Variants in ENKUR observed in about 807,000 individuals in gnomAD.
ENKUR encodes the protein enkurin.
A neutral mutation model predicts 27.6 loss-of-function variants in ENKUR; 19 were observed. The observed-to-expected ratio is 0.69, with a 90% CI of 0.48 to 1.01. The LOEUF (loss-of-function observed/expected upper bound fraction) is 1.01, where lower values mean the gene tolerates loss of function less well. ENKUR is among the 50% of genes least tolerant of loss of function. The pLI, the probability that ENKUR is intolerant of heterozygous loss-of-function variation, is 0.00. For missense variants in ENKUR, 312 were observed against 310.5 expected (o/e 1.00, Z -0.04); for synonymous variants, 117 against 96.9 (o/e 1.21, Z -1.22).
At chr10:25,034,191 A>G (rs1850975034) in intron 2 of ENKUR, among the ~76,000 whole-genome samples, 1 of 152,164 alleles carries the variant, frequency 6.6e-6, no homozygotes, top group African/African-American at 2.4e-5. Context: ...CAGATTGTTT[A>G]TATCAGTAAA....
upstream of ENKUR, chr10:25,016,232 C>T: frequency 7.5e-6 from 8 of 1,072,958 alleles, no homozygotes; most frequent in Non-Finnish European, 9.1e-6. Flanking sequence ...CTCCCCTCTT[C>T]CCTCTTTCTG....
At chr10:25,062,013 G>A (rs1851334587) in intron 1 of ENKUR, among the ~76,000 whole-genome samples, 2 of 152,120 alleles carry the variant, frequency 1.3e-5, no homozygotes, top group East Asian at 1.9e-4. Context: ...ATAACGTAAC[G>A]ATAACGACTA....
chr10:25,044,943 G>A (rs1851106223), intron 2 of ENKUR, among the ~76,000 whole-genome samples: 1 of 152,040 alleles, frequency 6.6e-6, no homozygotes, highest in African/African-American at 2.4e-5. Flanking sequence ...TGACCACTTT[G>A]GCAGCTCCTG....
rs187270467 is a variant in ENKUR at position 24,998,665 on chromosome 10, A to G, written c.223+736T>C. ...TGGGCTATGAAGAAATTGCTTCCAT[A>G]CATACCTGTCACACATCACTTTTCA... On this transcript the variant is annotated intron_variant, in intron 2 of 5. Transcript: ENST00000331161. 3.2e-4 allele frequency among the ~76,000 whole-genome samples: 49 copies of G among 152,140 alleles called. No individual in the cohort carries two copies. The Middle Eastern group carries it at 0.01, about 32-fold the overall frequency.
upstream of ENKUR, among the ~76,000 whole-genome samples, chr10:25,018,315 C>A (rs1223527798): frequency 6.6e-6 from 1 of 152,092 alleles, no homozygotes; most frequent in Non-Finnish European, 1.5e-5. Context: ...AATGACACTT[C>A]AAAAAAATGC....
intron 3 of ENKUR, among the ~76,000 whole-genome samples, chr10:24,993,852 C>G (rs1487201951): frequency 6.6e-6 from 1 of 152,108 alleles, no homozygotes; most frequent in Non-Finnish European, 1.5e-5. Context: ...AAGGGAGGGG[C>G]AGAGTGTGTG....
At chr10:25,016,216 C>T (rs1850568714), upstream of ENKUR, 9 of 1,127,846 alleles carry the variant, frequency 8.0e-6, no homozygotes, top group Non-Finnish European at 9.8e-6. Flanking sequence ...GCACCGCAAA[C>T]TAGGTCTCCC....
upstream of ENKUR, among the ~76,000 whole-genome samples, chr10:25,020,331 A>C (rs1444167854): frequency 6.6e-6 from 1 of 151,778 alleles, no homozygotes; most frequent in African/African-American, 2.4e-5. Flanking sequence ...TTTAAAAACA[A>C]GAGGGTAGAG....
At chr10:25,015,233 T>A (rs892876050) in intron 1 of ENKUR, among the ~76,000 whole-genome samples, 2 of 152,226 alleles carry the variant, frequency 1.3e-5, no homozygotes, top group African/African-American at 4.8e-5. Context: ...AAGACCTATG[T>A]AAAATTTCAA....
intron 3 of ENKUR, among the ~76,000 whole-genome samples, chr10:24,992,297 G>A (rs1014934141): frequency 6.6e-6 from 1 of 152,132 alleles, no homozygotes; most frequent in Non-Finnish European, 1.5e-5. Context: ...AAATAAAGAA[G>A]GATAGTGGGG....
chr10:24,984,233 G>T lies in ENKUR; in HGVS notation c.*137C>A. ...ACTGGGAATAACTGCAAATGTCATG[G>T]GCCACAGGAAAATACATCTTTTGCA... On this transcript the variant is annotated 3_prime_UTR_variant, in exon 6 of 6. Transcript: ENST00000331161. The T allele has an allele frequency of 1.1e-6, 1 of 940,720 alleles. No homozygotes were observed. Among genetic ancestry groups the T allele is most frequent in the Non-Finnish European group, 1.6e-6 (1 of 635,930 alleles). 58.3% of individuals were successfully genotyped at this position (940,720 alleles called of 1,614,324 possible).
At chr10:24,997,837 T>C (rs939757059) in intron 2 of ENKUR, among the ~76,000 whole-genome samples, 1 of 145,722 alleles carries the variant, frequency 6.9e-6, no homozygotes, top group African/African-American at 2.7e-5. Context: ...GTTTGTGTTA[T>C]ATCATATGTT....
intron 2 of ENKUR, among the ~76,000 whole-genome samples, chr10:25,036,692 G>T (rs1406565113): frequency 1.3e-5 from 2 of 152,140 alleles, no homozygotes; most frequent in Non-Finnish European, 2.9e-5. Flanking sequence ...TCTTTGAAAG[G>T]TATTTTAAAA....
chr10:25,061,712 C>T (rs911665959), intron 1 of ENKUR, among the ~76,000 whole-genome samples: 6 of 152,186 alleles, frequency 3.9e-5, no homozygotes, highest in African/African-American at 1.4e-4. Context: ...CTCCACCTGA[C>T]ATCCCAGTAG....
intron 1 of ENKUR, among the ~76,000 whole-genome samples, chr10:25,006,668 G>A (rs1588660979): frequency 1.3e-5 from 2 of 152,202 alleles, no homozygotes; most frequent in East Asian, 3.9e-4. Flanking sequence ...TTAGAACAAG[G>A]TTGTGTATAA....
chr10:25,016,072 T>A lies in ENKUR; in HGVS notation c.-136A>T. 7.1e-7 allele frequency: 1 copy of A among 1,405,504 alleles called. No homozygotes were observed. The highest frequency in any genetic ancestry group is 9.3e-7 in the Non-Finnish European group (1 of 1,075,892). The allele number at this position is 1,405,504 out of a possible 1,614,324, so 87.1% of individuals were successfully genotyped here. On this transcript the variant is annotated 5_prime_UTR_variant, in exon 1 of 6. The change abolishes an upstream ATG in the 5' untranslated region. Coordinates refer to ENST00000331161, the MANE Select transcript of ENKUR (RefSeq NM_145010.4). ...AGGACCACAGGTTCTCTCCTTCACA[T>A]CGTCCCCCTTTAACCCCCTCTTAGC...
intron 2 of ENKUR, among the ~76,000 whole-genome samples, chr10:25,040,646 AG>A (rs2130470536): frequency 6.6e-6 from 1 of 152,368 alleles, no homozygotes; most frequent in Admixed American, 6.5e-5. Context: ...CTGGGATTAC[AG>A]GCGTGAGCCA....
Position 24,984,865 on chromosome 10 carries a change from T to G in ENKUR, c.635A>C (p.Gln212Pro). The change falls in exon 5 of 6, where the codon CAG (glutamine) becomes CCG (proline). Residue 212 changes from glutamine (Q) to proline (P), a missense_variant. Coordinates refer to ENST00000331161, the MANE Select transcript of ENKUR (RefSeq NM_145010.4). ...AGAATCTATAAAGACCGAGAGGGAC[T>G]GGAATTCTTTATGCACCTCTTCCCA... is the stretch of plus-strand genomic sequence containing the variant. ...KNWEEVHKEF[Q>P]SLSVFIDSIP... 5 of 1,613,628 alleles carry G rather than the reference T, an allele frequency of 3.1e-6. No homozygotes were observed. Among genetic ancestry groups the G allele is most frequent in the Non-Finnish European group, 4.2e-6 (5 of 1,179,838 alleles).
chr10:25,024,332 G>A (rs1850795382), intron 2 of ENKUR: 2 of 1,614,126 alleles, frequency 1.2e-6, no homozygotes, highest in Middle Eastern at 3.3e-4. Context: ...CCACCAAGTT[G>A]CAATTATATG....
Sources: allele counts gnomAD v4.1 joint callset (sites outside exome capture counted in the v4.1 genomes callset), GRCh38; gene constraint gnomAD v4.1.1; transcripts MANE v1.5; gene names NCBI Gene and HGNC (gene_info 2026-07-23, HGNC 2026-07-21).